Variants in ZFAND2A observed in about 807,000 individuals in gnomAD.
ZFAND2A encodes zinc finger AN1-type containing 2A.
Under a neutral mutation model 11.6 loss-of-function variants are expected in ZFAND2A, and 20 were observed. That is an observed-to-expected ratio of 1.72 (90% CI 1.21 to 2.50). ZFAND2A has a LOEUF of 2.50. Ranked by LOEUF, ZFAND2A falls within the 30% of genes most tolerant of loss-of-function variation. The pLI, the probability that ZFAND2A is intolerant of heterozygous loss-of-function variation, is 0.00. For synonymous variants in ZFAND2A, 93 were observed against 60.6 expected, an observed-to-expected ratio of 1.54 and a Z score of -2.48; for missense variants, 234 against 182.9, an observed-to-expected ratio of 1.28 and a Z score of -1.61.
downstream of ZFAND2A, chr7:1,152,265 G>C (rs749228153): frequency 1.3e-6 from 2 of 1,578,648 alleles, no homozygotes; most frequent in Non-Finnish European, 1.7e-6. Context: ...CAGTACCCGA[G>C]TCGCTGGGCC....
rs1169900577 is a variant in ZFAND2A at position 1,153,009 on chromosome 7, G to C, written c.*60C>G. ...CAATGGGGCTCCACTTCCCACTAGA[G>C]TGTAAGCTGCTTCCACGCATGCTAC... On this transcript the variant is annotated 3_prime_UTR_variant, in exon 5 of 5. Transcript: ENST00000316495. 3 of 1,605,612 alleles carry C rather than the reference G, an allele frequency of 1.9e-6. No individual in the cohort carries two copies. The highest frequency in any genetic ancestry group is 2.6e-6 in the Non-Finnish European group (3 of 1,175,364).
chr7:1,149,773 A>G (rs1204475313), downstream of ZFAND2A, among the ~76,000 whole-genome samples: 1 of 151,770 alleles, frequency 6.6e-6, no homozygotes, highest in Non-Finnish European at 1.5e-5. Context: ...TTCCAAACCT[A>G]GGCGTGGTGC....
chr7:1,159,393 G>C (rs1793620027), intron 1 of ZFAND2A, among the ~76,000 whole-genome samples: 1 of 152,098 alleles, frequency 6.6e-6, no homozygotes, highest in Non-Finnish European at 1.5e-5. Context: ...GCGGGTTAAC[G>C]ACCCCGTGCG....
chr7:1,156,801 T>C (rs1254276633), intron 3 of ZFAND2A, among the ~76,000 whole-genome samples: 1 of 152,062 alleles, frequency 6.6e-6, no homozygotes, highest in Non-Finnish European at 1.5e-5. Flanking sequence ...TGAAATAAAG[T>C]ATTAGTAAAC....
In ZFAND2A at chr7:1,155,465, C is replaced by A. The variant is rs879169972; in HGVS notation, c.270G>T (p.Lys90Asn). 6 of 1,613,738 alleles carry A rather than the reference C, an allele frequency of 3.7e-6. No homozygotes were observed. The South Asian group carries it at 6.6e-5, about 18-fold the overall frequency. Residue 90 changes from lysine (K) to asparagine (N), a missense_variant, in exon 4 of 5, where the codon AAG becomes AAT. Physicochemically the swap from Lys to Asn is moderately conservative, Grantham distance 94. Transcript: ENST00000316495. ...GCTCTGTCCTTACCTTCTCTTTCTTCTTCCCAGGGTGAGAGTCACAGTCTC... is the reference window on the plus strand; with the variant it reads ...GCTCTGTCCTTACCTTCTCTTTCTTATTCCCAGGGTGAGAGTCACAGTCTC... ...IDRDCDSHPG[K>N]KKEKIFTYRC... is the part of the protein sequence containing the mutation.
chr7:1,150,947 GCA>G (rs1268650328), downstream of ZFAND2A, among the ~76,000 whole-genome samples: 2 of 149,874 alleles, frequency 1.3e-5, no homozygotes, highest in Non-Finnish European at 2.9e-5. Flanking sequence ...GAGTGCAGTG[GCA>G]CAATCTGGGC....
At chr7:1,151,048 A>C (rs1793388521), downstream of ZFAND2A, among the ~76,000 whole-genome samples, 1 of 151,846 alleles carries the variant, frequency 6.6e-6, no homozygotes, top group South Asian at 2.1e-4. Context: ...CCACCACCAC[A>C]CCTGGCTAAT....
Position 1,159,488 on chromosome 7 carries a change from G to A in ZFAND2A, c.-46+476C>T, listed in dbSNP as rs577074592. On this transcript the variant is annotated intron_variant, in intron 1 of 4. Coordinates refer to ENST00000316495, the MANE Select transcript of ZFAND2A (RefSeq NM_182491.4). The stretch of plus-strand genomic sequence containing the variant: ...AGACAGGCCGGACCCCCAGCAGCCA[G>A]ACCCCGGCAGGCCCGGTCCCCAGCA... Among the ~76,000 whole-genome samples, 176 of 142,930 alleles carry A rather than the reference G, an allele frequency of 1.2e-3. 5 individuals carry two copies. Among genetic ancestry groups the A allele is most frequent in the Non-Finnish European group, 3.1e-4 (20 of 65,480 alleles). The allele number at this position is 142,930 out of a possible 152,430, so 93.8% of individuals were successfully genotyped here.
chr7:1,157,590 A>T, intron 3 of ZFAND2A, 66 bp downstream of exon 3: 2 of 1,459,952 alleles, frequency 1.4e-6, no homozygotes, highest in Admixed American at 4.7e-5. Flanking sequence ...AGTCCCTACC[A>T]TACCAGCAAG....
At position 1,158,852 on chromosome 7, in the gene ZFAND2A, G is replaced by A. The variant is rs541056499; in HGVS notation, c.-45-595C>T. Among the ~76,000 whole-genome samples the A allele has an allele frequency of 1.0e-3, 152 of 152,218 alleles. 1 individual carries two copies. Among genetic ancestry groups the A allele is most frequent in the African/African-American group, 3.6e-3 (148 of 41,524 alleles). Reference sequence around the variant, plus strand: ...GAGAGAGAATCAAGGGGCTCACGAGGTCCCCTCCATGATCTAGTACCCACC... The same window carrying A: ...GAGAGAGAATCAAGGGGCTCACGAGATCCCCTCCATGATCTAGTACCCACC... On this transcript the variant is annotated intron_variant, in intron 1 of 4. Transcript: ENST00000316495.
downstream of ZFAND2A, among the ~76,000 whole-genome samples, chr7:1,149,352 GCT>G (rs1366500510): frequency 6.6e-6 from 1 of 152,194 alleles, no homozygotes; most frequent in African/African-American, 2.4e-5. Context: ...CAGGGAAGTG[GCT>G]TGTCCAAGTG....
chr7:1,152,246 C>T (rs112499732), downstream of ZFAND2A: 234 of 1,569,408 alleles, frequency 1.5e-4, no homozygotes, highest in African/African-American at 2.5e-3. Flanking sequence ...TCACATGAGC[C>T]GGGTGAACCA....
intron 1 of ZFAND2A, 105 bp from the exon 2 acceptor site, chr7:1,158,362 G>A: frequency 2.9e-6 from 2 of 690,024 alleles, no homozygotes; most frequent in Non-Finnish European, 5.0e-6. Flanking sequence ...GCACTGTGTG[G>A]GGAGCATTCC....
At chr7:1,152,298 G>A (rs753086574), downstream of ZFAND2A, 6 of 1,585,876 alleles carry the variant, frequency 3.8e-6, no homozygotes, top group East Asian at 1.1e-4. Context: ...GCCAGGGTGA[G>A]GAAATCTCCC....
chr7:1,151,762 T>TAAAAGAA (rs1554344525), downstream of ZFAND2A, among the ~76,000 whole-genome samples: 6 of 87,158 alleles, frequency 6.9e-5, no homozygotes, highest in East Asian at 2.5e-4. Flanking sequence ...TCATCCCTTT[T>TAAAAGAA]AAAAAAAAAA....
chr7:1,152,182 C>T, downstream of ZFAND2A: 1 of 1,504,890 alleles, frequency 6.6e-7, no homozygotes. Flanking sequence ...ACACAGCAAC[C>T]TTTCCGTGTT....
At chr7:1,155,208 G>A (rs780201691) in intron 4 of ZFAND2A, among the ~76,000 whole-genome samples, 2 of 152,174 alleles carry the variant, frequency 1.3e-5, no homozygotes, top group African/African-American at 2.4e-5. Flanking sequence ...CATCTCAGGA[G>A]GGAAACTAGT....
rs762274671 is a variant in ZFAND2A at position 1,158,190 on chromosome 7, T to C, written c.23A>G (p.Lys8Arg). The C allele has an allele frequency of 3.1e-6, 5 of 1,614,064 alleles. No individual in the cohort carries two copies. In the African/African-American group the frequency reaches 6.7e-5, roughly 22 times the overall value. Residue 8 changes from lysine (K) to arginine (R), a missense_variant, in exon 2 of 5, where the codon AAG becomes AGG. Coordinates refer to ENST00000316495, the MANE Select transcript of ZFAND2A (RefSeq NM_182491.4). MEFPDLGKHCSEKTCKQL... is the reference protein window; with the variant it reads MEFPDLGRHCSEKTCKQL... ...CTTGCAAGTCTTTTCTGAACAATGC[T>C]TCCCCAAATCAGGAAACTCCATTAT...
downstream of ZFAND2A, chr7:1,152,386 G>T (rs770678544): frequency 6.7e-7 from 1 of 1,491,718 alleles, no homozygotes; most frequent in Non-Finnish European, 9.0e-7. Context: ...TCCATGTGCT[G>T]ACCGCAAGAA....
Sources: allele counts gnomAD v4.1 joint callset (sites outside exome capture counted in the v4.1 genomes callset), GRCh38; gene constraint gnomAD v4.1.1; transcripts MANE v1.5; gene names NCBI Gene and HGNC (gene_info 2026-07-23, HGNC 2026-07-21).